FARS2: variants seen among roughly 807,000 people sequenced by gnomAD.
FARS2 encodes the protein phenylalanine--tRNA ligase, mitochondrial.
Under a neutral mutation model 46.4 loss-of-function variants are expected in FARS2, and 40 were observed. The ratio of observed to expected loss-of-function variants is 0.86; its 90% CI spans 0.67 to 1.12. The LOEUF (loss-of-function observed/expected upper bound fraction) is 1.12. FARS2 is among the 50% of genes most tolerant of loss of function. The pLI, the probability that FARS2 is intolerant of heterozygous loss-of-function variation, is 0.00. For missense variants in FARS2, 513 were observed against 567.9 expected (o/e 0.90, Z 0.98); for synonymous variants, 234 against 214.9 (o/e 1.09, Z -0.78).
rs1021794427 is a variant in FARS2 at position 5,343,334 on chromosome 6, T to A, written c.-21-25216T>A. Among the ~76,000 whole-genome samples, 1 of 151,958 alleles carries A rather than the reference T, an allele frequency of 6.6e-6. No homozygotes were observed. The highest frequency in any genetic ancestry group is 6.5e-5 in the Admixed American group (1 of 15,270). Reference sequence around the variant, plus strand: ...TCCAGTGATTCTCCTGTCTCAGCCTTCCTAGTAGCTGGGATTACAGGTGCA... The same window carrying A: ...TCCAGTGATTCTCCTGTCTCAGCCTACCTAGTAGCTGGGATTACAGGTGCA... On this transcript the variant is annotated intron_variant, in intron 1 of 6. Coordinates refer to ENST00000274680, the MANE Select transcript of FARS2 (RefSeq NM_006567.5). The surrounding 1 kb of genome is among the most constrained non-coding windows in gnomAD (Gnocchi z 4.5).
At chr6:5,328,878 G>C (rs1341959097) in intron 1 of FARS2, among the ~76,000 whole-genome samples, 1 of 152,132 alleles carries the variant, frequency 6.6e-6, no homozygotes, top group African/African-American at 2.4e-5. Context: ...TCGTATTGCA[G>C]TTTGCCCAGT....
At chr6:5,700,633 T>C (rs112624122) in intron 6 of FARS2, among the ~76,000 whole-genome samples, 7,305 of 152,260 alleles carry the variant, frequency 0.048, 576 homozygotes, top group African/African-American at 0.17. Flanking sequence ...CCGGACTTTG[T>C]GATGCACCCG....
At chr6:5,534,774 C>G (rs1351422524) in intron 4 of FARS2, among the ~76,000 whole-genome samples, 1 of 151,984 alleles carries the variant, frequency 6.6e-6, no homozygotes, top group African/African-American at 2.4e-5. Context: ...GATACACACA[C>G]AGAGGCATAT....
intron 5 of FARS2, among the ~76,000 whole-genome samples, chr6:5,546,530 G>C (rs529229557): frequency 1.1e-4 from 17 of 151,610 alleles, no homozygotes; most frequent in Non-Finnish European, 1.9e-4. Flanking sequence ...GATTACAGGA[G>C]TGAGCCACTG....
At position 5,311,513 on chromosome 6, in the gene FARS2, G is replaced by A. The variant is rs1769078332; in HGVS notation, c.-22+49853G>A. Among the ~76,000 whole-genome samples, 1 of 152,094 alleles carries A rather than the reference G, an allele frequency of 6.6e-6. No individual in the cohort carries two copies. The highest frequency in any genetic ancestry group is 1.5e-5 in the Non-Finnish European group (1 of 68,008). On this transcript the variant is annotated intron_variant, in intron 1 of 6. Coordinates refer to ENST00000274680, the MANE Select transcript of FARS2 (RefSeq NM_006567.5). The surrounding 1 kb of genome is among the most constrained non-coding windows in gnomAD (Gnocchi z 4.1). Reference sequence around the variant, plus strand: ...AACTTTTCCCTCTTTTTACTTCTGTGTATTAAAACATGCATACACCTGCAC... The same window carrying A: ...AACTTTTCCCTCTTTTTACTTCTGTATATTAAAACATGCATACACCTGCAC...
At chr6:5,759,625 G>C (rs1762385922) in intron 6 of FARS2, among the ~76,000 whole-genome samples, 1 of 152,138 alleles carries the variant, frequency 6.6e-6, no homozygotes, top group Non-Finnish European at 1.5e-5. Context: ...ACCACCAGTG[G>C]TCCTGGCGTT....
chr6:5,744,206 G>A (rs1245789605), intron 6 of FARS2, among the ~76,000 whole-genome samples: 2 of 152,166 alleles, frequency 1.3e-5, no homozygotes, highest in Non-Finnish European at 2.9e-5. Flanking sequence ...GCCTAGGGAC[G>A]AAGCTGCCAC....
chr6:5,333,132 G>T (rs1289648152), intron 1 of FARS2, among the ~76,000 whole-genome samples: 3 of 150,656 alleles, frequency 2.0e-5, no homozygotes, highest in Admixed American at 6.6e-5. Flanking sequence ...TGTTTTAATG[G>T]AGTTATGGCA....
chr6:5,404,834 C>G, intron 3 of FARS2, 133 bp downstream of exon 3: 2 of 608,744 alleles, frequency 3.3e-6, no homozygotes, highest in East Asian at 3.2e-5. Flanking sequence ...GAGTCTTGCT[C>G]TGTCACCCAG....
chr6:5,345,165 GT>G (rs1757148560), intron 1 of FARS2, among the ~76,000 whole-genome samples: 1 of 151,602 alleles, frequency 6.6e-6, no homozygotes, highest in Non-Finnish European at 1.5e-5. Flanking sequence ...TGTATGTGAA[GT>G]GCCTGGTTGG....
At position 5,513,110 on chromosome 6, in the gene FARS2, A is replaced by G. The variant is rs1166753739; in HGVS notation, c.905-32070A>G. 2.0e-5 allele frequency among the ~76,000 whole-genome samples: 3 copies of G among 152,290 alleles called. No homozygotes were observed. The East Asian group carries it at 5.8e-4, about 29-fold the overall frequency. ...TTTCCTAGGGGAGAGGGTGGACACT[A>G]TGAGGTGGCGGTGGTTGGGATGGAG... On this transcript the variant is annotated intron_variant, in intron 4 of 6. Transcript: ENST00000274680.
intron 6 of FARS2, among the ~76,000 whole-genome samples, chr6:5,723,241 T>G (rs962724777): frequency 2.0e-5 from 3 of 152,140 alleles, no homozygotes; most frequent in African/African-American, 7.2e-5. Context: ...GGGTTTGATA[T>G]AAAAAGAGAA....
intron 6 of FARS2, among the ~76,000 whole-genome samples, chr6:5,629,814 A>C (rs1475096383): frequency 6.6e-6 from 1 of 152,122 alleles, no homozygotes; most frequent in Non-Finnish European, 1.5e-5. Flanking sequence ...ACAATATAAA[A>C]AAAAAGACAG....
intron 6 of FARS2, among the ~76,000 whole-genome samples, chr6:5,707,902 G>A (rs1165858366): frequency 2.6e-5 from 4 of 152,226 alleles, no homozygotes; most frequent in Non-Finnish European, 2.9e-5. Flanking sequence ...GCGGGGTGCC[G>A]CCGTGGGAGC....
intron 6 of FARS2, among the ~76,000 whole-genome samples, chr6:5,748,203 C>T (rs1400241142): frequency 6.6e-6 from 1 of 152,216 alleles, no homozygotes; most frequent in Non-Finnish European, 1.5e-5. Flanking sequence ...CTTGGGCCTT[C>T]TCCCCTTCAC....
intron 1 of FARS2, among the ~76,000 whole-genome samples, chr6:5,290,802 C>T (rs375676359): frequency 3.9e-5 from 6 of 152,320 alleles, no homozygotes; most frequent in African/African-American, 1.4e-4. Flanking sequence ...GTCACTGTAG[C>T]CTCCACCTCC....
At chr6:5,354,280 G>A (rs948872615) in intron 1 of FARS2, among the ~76,000 whole-genome samples, 1 of 152,052 alleles carries the variant, frequency 6.6e-6, no homozygotes, top group African/African-American at 2.4e-5. Flanking sequence ...CAGCATGAAA[G>A]CCTGAGACTC....
chr6:5,503,318 CAAT>C (rs1340480036), intron 4 of FARS2, among the ~76,000 whole-genome samples: 2 of 149,748 alleles, frequency 1.3e-5, no homozygotes, highest in African/African-American at 2.5e-5. Flanking sequence ...GGACTGTGGT[CAAT>C]AATATTATAT....
chr6:5,712,726 C>T (rs1199768315), intron 6 of FARS2, among the ~76,000 whole-genome samples: 3 of 152,248 alleles, frequency 2.0e-5, no homozygotes, highest in African/African-American at 7.2e-5. Flanking sequence ...CCCTCCCCAC[C>T]TGTCCCAGTC....
Sources: gnomAD v4.1 joint callset for allele counts (sites outside exome capture counted in the v4.1 genomes callset) on GRCh38, gnomAD v4.1.1 for gene constraint, Gnocchi (gnomAD v3.1) non-coding constraint, MANE v1.5 for transcripts, NCBI Gene and HGNC (gene_info 2026-07-23, HGNC 2026-07-21) for gene names.